ENTREP2: variants seen among roughly 807,000 people sequenced by gnomAD.
The protein encoded by ENTREP2 is endosomal transmembrane epsin interactor 2, also known as protein ENTREP2.
the ENTREP2 span, among the ~76,000 whole-genome samples, chr15:29,630,683 ATTTAT>A: frequency 6.6e-6 from 1 of 151,370 alleles, no homozygotes; most frequent in Admixed American, 6.6e-5. Flanking sequence ...TATTTTCTCT[ATTTAT>A]TTATTTACTT....
the ENTREP2 span, among the ~76,000 whole-genome samples, chr15:29,485,307 CCT>C: frequency 2.0e-5 from 3 of 152,106 alleles, no homozygotes; most frequent in Non-Finnish European, 4.4e-5. Flanking sequence ...GGACCTGGCC[CCT>C]GTCTTGAAGA....
the ENTREP2 span, chr15:29,123,298 G>A: frequency 6.8e-7 from 1 of 1,464,668 alleles, no homozygotes. Context: ...GAACATCTGT[G>A]GCGCCAGGCG....
the ENTREP2 span, among the ~76,000 whole-genome samples, chr15:29,672,290 C>T: frequency 1.3e-5 from 2 of 152,078 alleles, no homozygotes; most frequent in Non-Finnish European, 2.9e-5. Context: ...GCCCGGTTTA[C>T]TACAGGGATT....
the ENTREP2 span, among the ~76,000 whole-genome samples, chr15:29,436,475 A>T: frequency 6.6e-6 from 1 of 152,186 alleles, no homozygotes; most frequent in Non-Finnish European, 1.5e-5. Context: ...AAAACAGACA[A>T]AAGTGGTGTT....
the ENTREP2 span, among the ~76,000 whole-genome samples, chr15:29,619,925 T>TCTCAC: frequency 6.6e-6 from 1 of 152,206 alleles, no homozygotes; most frequent in East Asian, 1.9e-4. Context: ...GCTCCCTGAA[T>TCTCAC]CTCACCCTCA....
the ENTREP2 span, among the ~76,000 whole-genome samples, chr15:29,292,633 G>A: frequency 1.3e-5 from 2 of 152,232 alleles, no homozygotes; most frequent in Admixed American, 6.5e-5. Context: ...TGCCCTGCTC[G>A]GCCTCCCAAA....
chr15:29,652,571 G>A, the ENTREP2 span, among the ~76,000 whole-genome samples: 2 of 152,356 alleles, frequency 1.3e-5, no homozygotes, highest in Admixed American at 6.5e-5. Flanking sequence ...GGCTCCCCAA[G>A]CCAGGGCTGT....
chr15:29,532,221 T>C, the ENTREP2 span, among the ~76,000 whole-genome samples: 6 of 152,138 alleles, frequency 3.9e-5, no homozygotes, highest in Non-Finnish European at 5.9e-5. Flanking sequence ...CTAGAGAAAA[T>C]ATTTTATTCA....
chr15:29,659,769 G>A, the ENTREP2 span, among the ~76,000 whole-genome samples: 10 of 151,624 alleles, frequency 6.6e-5, no homozygotes, highest in African/African-American at 9.7e-5. Context: ...TTTTATTACC[G>A]TATGATATTC....
At chr15:29,494,061 C>T in the ENTREP2 span, among the ~76,000 whole-genome samples, 25 of 152,064 alleles carry the variant, frequency 1.6e-4, no homozygotes, top group African/African-American at 6.0e-4. Flanking sequence ...AATGGGAATT[C>T]CCAGCCAGCA....
At chr15:29,634,677 C>T in the ENTREP2 span, among the ~76,000 whole-genome samples, 2,379 of 152,300 alleles carry the variant, frequency 0.016, 73 homozygotes, top group African/African-American at 0.054. Context: ...CCTTCCCAGC[C>T]CCGCTAGATA....
the ENTREP2 span, chr15:29,569,467 T>C: frequency 6.6e-6 from 1 of 152,296 alleles, no homozygotes; most frequent in African/African-American, 2.4e-5. Context: ...TTTTAAAGGA[T>C]TGGTTTGGAT....
the ENTREP2 span, among the ~76,000 whole-genome samples, chr15:29,584,697 CA>C: frequency 7.8e-4 from 118 of 152,130 alleles, no homozygotes; most frequent in African/African-American, 2.6e-3. Flanking sequence ...GGTCAAAGGG[CA>C]AAAACTTTCA....
chr15:29,393,639 T>TA, the ENTREP2 span, among the ~76,000 whole-genome samples: 1 of 152,180 alleles, frequency 6.6e-6, no homozygotes, highest in African/African-American at 2.4e-5. Flanking sequence ...TCAAAGTGCC[T>TA]ACTCAGCCAA....
At chr15:29,140,387 C>T in the ENTREP2 span, among the ~76,000 whole-genome samples, 1 of 152,186 alleles carries the variant, frequency 6.6e-6, no homozygotes, top group African/African-American at 2.4e-5. Flanking sequence ...ACCTGTGTGC[C>T]TCTCTGCCTT....
the ENTREP2 span, among the ~76,000 whole-genome samples, chr15:29,594,700 C>T: frequency 9.6e-4 from 146 of 152,154 alleles, 2 homozygotes; most frequent in East Asian, 0.024. Flanking sequence ...CAGTAGCTCA[C>T]GCCTGTAATC....
the ENTREP2 span, among the ~76,000 whole-genome samples, chr15:29,344,242 C>T: frequency 3.9e-5 from 6 of 152,186 alleles, no homozygotes; most frequent in African/African-American, 1.2e-4. Context: ...CTTCACGCTG[C>T]GTGCAAGGAT....
At chr15:29,535,309 T>C in the ENTREP2 span, among the ~76,000 whole-genome samples, 2 of 152,254 alleles carry the variant, frequency 1.3e-5, no homozygotes, top group East Asian at 3.9e-4. Flanking sequence ...GAGTGTCCCT[T>C]ATAACATTCT....
At chr15:29,602,965 C>T in the ENTREP2 span, among the ~76,000 whole-genome samples, 62,636 of 152,024 alleles carry the variant, frequency 0.41, 13,853 homozygotes, top group African/African-American at 0.58. Flanking sequence ...CCTGGCATTT[C>T]GTAGCTACCA....
Sources: gnomAD v4.1 joint callset for allele counts (sites outside exome capture counted in the v4.1 genomes callset) on GRCh38, gnomAD v4.1.1 for gene constraint, MANE v1.5 for transcripts, NCBI Gene and HGNC (gene_info 2026-07-23, HGNC 2026-07-21) for gene names.